NKAIN2: variants seen among roughly 807,000 people sequenced by gnomAD.
NKAIN2 encodes sodium/potassium-transporting ATPase subunit beta-1-interacting protein 2.
NKAIN2 carries 14 observed loss-of-function variants against 32.6 expected under a neutral mutation model. That is an observed-to-expected ratio of 0.43 (90% CI 0.28 to 0.67). The LOEUF is 0.67. NKAIN2 is among the 30% of genes least tolerant of loss of function. The pLI, the probability that NKAIN2 is intolerant of heterozygous loss-of-function variation, is 0.17. For synonymous variants in NKAIN2, 80 were observed against 87.2 expected, an observed-to-expected ratio of 0.92 and a Z score of 0.46; for missense variants, 198 against 258.3, an observed-to-expected ratio of 0.77 and a Z score of 1.60.
At chr6:124,653,444 C>CA (rs35842873) in intron 3 of NKAIN2, among the ~76,000 whole-genome samples, 2,100 of 79,358 alleles carry the variant, frequency 0.026, 44 homozygotes, top group African/African-American at 0.053. Flanking sequence ...CATCCACATG[C>CA]AAAAAAAAAA....
At chr6:124,795,331 C>T (rs1481706685) in intron 5 of NKAIN2, among the ~76,000 whole-genome samples, 2 of 152,166 alleles carry the variant, frequency 1.3e-5, no homozygotes, top group African/African-American at 4.8e-5. Flanking sequence ...CAGGTGTATC[C>T]AGGAAACTTC....
rs3039590 is a variant in NKAIN2, at chr6:123,976,348, C to CATATATAT, written c.54+172107_54+172114dup. Among the ~76,000 whole-genome samples, 10 of 13,730 alleles carry CATATATAT rather than the reference C, an allele frequency of 7.3e-4. 2 individuals carry two copies. Among genetic ancestry groups the CATATATAT allele is most frequent in the Non-Finnish European group, 1.1e-3 (7 of 6,648 alleles). 9.0% of individuals were successfully genotyped at this position (13,730 alleles called of 152,430 possible). Reference sequence around the variant, plus strand: ...ATGTTCCCATATATATATATGTTCCCATATATATATATATATATATTCCCA... The same window carrying CATATATAT: ...ATGTTCCCATATATATATATGTTCCCATATATATATATATATATATATATATATTCCCA... On this transcript the variant is annotated intron_variant, in intron 1 of 6. Transcript: ENST00000368417.
chr6:124,024,697 T>G (rs1462817903), intron 1 of NKAIN2, among the ~76,000 whole-genome samples: 2 of 151,844 alleles, frequency 1.3e-5, no homozygotes, highest in African/African-American at 4.8e-5. Context: ...ACTTCAAGAG[T>G]GCTTTTCCTG....
At chr6:124,444,997 A>G (rs1488569711) in intron 3 of NKAIN2, among the ~76,000 whole-genome samples, 1 of 152,058 alleles carries the variant, frequency 6.6e-6, no homozygotes, top group East Asian at 1.9e-4. Flanking sequence ...AACAAATAAT[A>G]CATGCATGCA....
chr6:123,954,058 C>CATGCTCCAATGT (rs1777452638), intron 1 of NKAIN2, among the ~76,000 whole-genome samples: 2 of 152,164 alleles, frequency 1.3e-5, no homozygotes, highest in Admixed American at 6.5e-5. Flanking sequence ...GTGGAAGTGG[C>CATGCTCCAATGT]CCATGCTCCA....
chr6:124,762,882 G>A (rs888370268), intron 4 of NKAIN2, among the ~76,000 whole-genome samples: 8 of 152,142 alleles, frequency 5.3e-5, no homozygotes, highest in African/African-American at 1.9e-4. Flanking sequence ...GACTAGAAAA[G>A]GTAAGTAGAA....
chr6:123,892,638 C>T (rs1201572058), intron 1 of NKAIN2, among the ~76,000 whole-genome samples: 1 of 151,924 alleles, frequency 6.6e-6, no homozygotes, highest in African/African-American at 2.4e-5. Flanking sequence ...AGGTTTTCTG[C>T]AATCAGATTA....
chr6:124,559,819 A>G (rs1456845492), intron 3 of NKAIN2, among the ~76,000 whole-genome samples: 1 of 139,480 alleles, frequency 7.2e-6, no homozygotes, highest in Non-Finnish European at 1.5e-5. Flanking sequence ...GTGGAAGGCG[A>G]GTAAGAAATA....
intron 1 of NKAIN2, among the ~76,000 whole-genome samples, chr6:124,020,540 G>A (rs1008549993): frequency 1.3e-5 from 2 of 151,970 alleles, no homozygotes; most frequent in African/African-American, 2.4e-5. Flanking sequence ...GGTTGTTACT[G>A]CAACCAACAA....
chr6:124,486,253 C>T (rs1777645115), intron 3 of NKAIN2, among the ~76,000 whole-genome samples: 1 of 152,122 alleles, frequency 6.6e-6, no homozygotes, highest in South Asian at 2.1e-4. Context: ...AATGTTACAA[C>T]AGCAGGATTT....
chr6:124,822,640 A>T (rs1355936854), intron 6 of NKAIN2, among the ~76,000 whole-genome samples: 1 of 152,206 alleles, frequency 6.6e-6, no homozygotes, highest in Non-Finnish European at 1.5e-5. Flanking sequence ...GATGATGTAT[A>T]ACTAACCTAA....
At chr6:124,077,792 G>A (rs191892554) in intron 1 of NKAIN2, among the ~76,000 whole-genome samples, 92 of 151,780 alleles carry the variant, frequency 6.1e-4, no homozygotes, top group Admixed American at 4.6e-4. Flanking sequence ...GGAGTTGAAG[G>A]CTTCACTTTG....
intron 4 of NKAIN2, among the ~76,000 whole-genome samples, chr6:124,725,995 C>T (rs545822322): frequency 1.3e-5 from 2 of 152,346 alleles, no homozygotes; most frequent in African/African-American, 4.8e-5. Flanking sequence ...CTGCGCTTTT[C>T]CGACGGGCTT....
chr6:124,370,878 C>T (rs556680936), intron 3 of NKAIN2, among the ~76,000 whole-genome samples: 4 of 152,026 alleles, frequency 2.6e-5, no homozygotes, highest in Non-Finnish European at 4.4e-5. Flanking sequence ...CCAGTACACT[C>T]GATTCACCAG....
At position 124,496,154 on chromosome 6, in the gene NKAIN2, G is replaced by T. The variant is rs776736402; in HGVS notation, c.273+140807G>T. 5.1e-4 allele frequency among the ~76,000 whole-genome samples: 78 copies of T among 152,104 alleles called. 1 individual carries two copies. The highest frequency in any genetic ancestry group is 5.9e-5 in the Non-Finnish European group (4 of 68,020). ...TCTTTAGCAGCCAAGTCACACCTCA[G>T]AGTTCTGTCAGTTGTGAATAACCCT... On this transcript the variant is annotated intron_variant, in intron 3 of 6. Transcript: ENST00000368417.
chr6:124,740,447 CGTGT>C (rs56154164), intron 4 of NKAIN2, among the ~76,000 whole-genome samples: 152 of 143,850 alleles, frequency 1.1e-3, no homozygotes, highest in African/African-American at 3.2e-3. Flanking sequence ...CACATATACA[CGTGT>C]GTGTGTGTGT....
chr6:124,167,531 C>A (rs544520983), intron 1 of NKAIN2, among the ~76,000 whole-genome samples: 19 of 152,096 alleles, frequency 1.2e-4, no homozygotes, highest in Non-Finnish European at 2.5e-4. Context: ...GCCTGAATGC[C>A]CTGGCCAGAA....
intron 1 of NKAIN2, among the ~76,000 whole-genome samples, chr6:124,077,848 CT>C (rs1440176424): frequency 6.6e-6 from 1 of 152,052 alleles, no homozygotes; most frequent in African/African-American, 2.4e-5. Context: ...GATCCTACTG[CT>C]TTGGCCTCCC....
chr6:124,211,696 G>C (rs1290191335), intron 1 of NKAIN2, among the ~76,000 whole-genome samples: 1 of 151,982 alleles, frequency 6.6e-6, no homozygotes, highest in Non-Finnish European at 1.5e-5. Context: ...TTTGAATGTA[G>C]ATATATAATC....
Sources: allele counts gnomAD v4.1 joint callset (sites outside exome capture counted in the v4.1 genomes callset), GRCh38; gene constraint gnomAD v4.1.1; transcripts MANE v1.5; gene names NCBI Gene and HGNC (gene_info 2026-07-23, HGNC 2026-07-21).